The following ROBO1 variants were observed in gnomAD, a reference collection of about 807,000 sequenced individuals.
ROBO1 encodes roundabout guidance receptor 1, also known as roundabout homolog 1.
In ROBO1, 149 loss-of-function variants were observed where a neutral mutation model predicts 195.9. That is an observed-to-expected ratio of 0.76 (90% CI 0.67 to 0.87). The LOEUF is 0.87. Ranked by LOEUF, ROBO1 falls within the 40% of genes least tolerant of loss-of-function variation. The pLI is 0.00. For synonymous variants in ROBO1, 816 were observed against 733.2 expected (o/e 1.11, Z -1.82); for missense variants, 1,933 against 2,068.3 (o/e 0.93, Z 1.27).
chr3:79,044,855 T>G (rs2078560016), intron 3 of ROBO1, among the ~76,000 whole-genome samples: 1 of 152,150 alleles, frequency 6.6e-6, no homozygotes, highest in African/African-American at 2.4e-5. Context: ...TAGAAGTTAT[T>G]TGCCACTTGA....
intron 2 of ROBO1, among the ~76,000 whole-genome samples, chr3:79,274,886 GA>G: frequency 6.6e-6 from 1 of 152,004 alleles, no homozygotes; most frequent in South Asian, 2.1e-4. Flanking sequence ...AAGCCTAGAA[GA>G]AATGAATAAA....
chr3:79,109,444 A>AT lies in ROBO1; in HGVS notation c.172+16011dup, dbSNP rs960262488. 5.9e-5 allele frequency among the ~76,000 whole-genome samples: 9 copies of AT among 151,944 alleles called. No homozygotes were observed. The South Asian group carries it at 1.0e-3, about 17-fold the overall frequency. Reference sequence around the variant, plus strand: ...TACCACATAAATGAAGCATTATTAAATTTTTTCTGTTTGTTTTAAATTCTC... The same window carrying AT: ...TACCACATAAATGAAGCATTATTAAATTTTTTTCTGTTTGTTTTAAATTCTC... On this transcript the variant is annotated intron_variant, in intron 3 of 30. Coordinates refer to ENST00000464233, the MANE Select transcript of ROBO1 (RefSeq NM_002941.4).
chr3:79,661,093 T>C (rs545921853), intron 1 of ROBO1, among the ~76,000 whole-genome samples: 82 of 152,164 alleles, frequency 5.4e-4, no homozygotes, highest in South Asian at 4.1e-4. Flanking sequence ...TATGTTGTGC[T>C]CACTACCCAT....
chr3:79,700,657 C>G (rs2107156194), intron 1 of ROBO1, among the ~76,000 whole-genome samples: 1 of 151,732 alleles, frequency 6.6e-6, no homozygotes, highest in African/African-American at 2.4e-5. Flanking sequence ...TGTTTGTTGG[C>G]CACCTGTATG....
intron 1 of ROBO1, among the ~76,000 whole-genome samples, chr3:79,660,212 A>T (rs1946289864): frequency 6.7e-6 from 1 of 150,060 alleles, no homozygotes. Context: ...AAACGTGGGA[A>T]CACATACTCT....
chr3:79,397,942 A>G (rs571722747), intron 2 of ROBO1, among the ~76,000 whole-genome samples: 1 of 152,320 alleles, frequency 6.6e-6, no homozygotes, highest in South Asian at 2.1e-4. Context: ...CAGATTGAGC[A>G]CTTAAGAAAA....
intron 3 of ROBO1, among the ~76,000 whole-genome samples, chr3:79,000,084 T>C (rs1313379116): frequency 1.3e-5 from 2 of 152,080 alleles, no homozygotes; most frequent in Non-Finnish European, 2.9e-5. Flanking sequence ...TACCTGAGAC[T>C]GGGTAACTTA....
Position 79,030,486 on chromosome 3 carries a change from A to C in ROBO1, c.173-91559T>G, listed in dbSNP as rs373885714. ...TTTTGGTTTATGTAAGGATTATATA[A>C]GATGGTGGGCATGTACCTTATGATT... On this transcript the variant is annotated intron_variant, in intron 3 of 30. Transcript: ENST00000464233. Among the ~76,000 whole-genome samples the C allele has an allele frequency of 7.9e-5, 12 of 152,326 alleles. 1 individual carries two copies. Among genetic ancestry groups the C allele is most frequent in the African/African-American group, 2.9e-4 (12 of 41,574 alleles).
At chr3:79,109,377 C>T (rs910349047) in intron 3 of ROBO1, among the ~76,000 whole-genome samples, 12 of 151,880 alleles carry the variant, frequency 7.9e-5, no homozygotes, top group African/African-American at 2.9e-4. Flanking sequence ...AAATATTTCA[C>T]ACATGCAAAA....
intron 10 of ROBO1, among the ~76,000 whole-genome samples, chr3:78,674,553 C>T (rs567476599): frequency 2.4e-4 from 37 of 152,276 alleles, no homozygotes; most frequent in Non-Finnish European, 4.4e-4. Flanking sequence ...ACAGCAAACA[C>T]GAAATCACCT....
At chr3:79,758,266 A>C (rs1704513707) in intron 1 of ROBO1, among the ~76,000 whole-genome samples, 1 of 152,226 alleles carries the variant, frequency 6.6e-6, no homozygotes, top group Admixed American at 6.5e-5. Context: ...CCAGCCACAT[A>C]TTCATTGCAT....
chr3:79,645,522 T>A (rs115333699), intron 1 of ROBO1, among the ~76,000 whole-genome samples: 2,286 of 152,000 alleles, frequency 0.015, 57 homozygotes, highest in African/African-American at 0.05. Context: ...AAATAAATAA[T>A]TAATATTGTT....
intron 10 of ROBO1, among the ~76,000 whole-genome samples, chr3:78,675,452 T>C (rs113267806): frequency 0.28 from 43,175 of 151,960 alleles, 6,535 homozygotes; most frequent in African/African-American, 0.38. Context: ...GAAAATCGGG[T>C]CACTCCCACC....
At chr3:79,088,439 T>C (rs996667360) in intron 3 of ROBO1, among the ~76,000 whole-genome samples, 23 of 152,132 alleles carry the variant, frequency 1.5e-4, no homozygotes, top group African/African-American at 4.8e-4. Flanking sequence ...AGTCACATTT[T>C]CCAAAATATA....
intron 2 of ROBO1, among the ~76,000 whole-genome samples, chr3:79,578,383 A>G (rs1207747490): frequency 6.6e-6 from 1 of 152,204 alleles, no homozygotes; most frequent in Non-Finnish European, 1.5e-5. Context: ...TATAATCAAC[A>G]TATTAGTCAG....
intron 1 of ROBO1, among the ~76,000 whole-genome samples, chr3:79,644,623 C>T (rs1459112696): frequency 6.6e-6 from 1 of 152,142 alleles, no homozygotes; most frequent in Non-Finnish European, 1.5e-5. Flanking sequence ...TATTCAATTA[C>T]CTTTCACTGG....
intron 4 of ROBO1, among the ~76,000 whole-genome samples, chr3:78,897,947 A>G (rs1216699041): frequency 6.6e-6 from 1 of 151,904 alleles, no homozygotes; most frequent in Non-Finnish European, 1.5e-5. Context: ...TGATATAGTT[A>G]GTAAACCAAA....
chr3:78,989,221 G>C (rs1344453819), intron 3 of ROBO1, among the ~76,000 whole-genome samples: 1 of 152,040 alleles, frequency 6.6e-6, no homozygotes. Flanking sequence ...TTGAGAGGAT[G>C]GATATGCTTA....
At chr3:79,200,226 TG>T (rs2081736966) in intron 2 of ROBO1, among the ~76,000 whole-genome samples, 1 of 151,792 alleles carries the variant, frequency 6.6e-6, no homozygotes, top group Admixed American at 6.6e-5. Context: ...GCAATTTTTG[TG>T]TGTGTCAAGG....
Sources: allele counts gnomAD v4.1 joint callset (sites outside exome capture counted in the v4.1 genomes callset), GRCh38; gene constraint gnomAD v4.1.1; transcripts MANE v1.5; gene names NCBI Gene and HGNC (gene_info 2026-07-23, HGNC 2026-07-21).